The following XKR6 variants were observed in gnomAD, a reference collection of about 807,000 sequenced individuals.
The protein encoded by XKR6 is XK related 6.
A neutral mutation model predicts 56.7 loss-of-function variants in XKR6; 22 were observed. That is an observed-to-expected ratio of 0.39 (90% CI 0.28 to 0.55). The LOEUF (loss-of-function observed/expected upper bound fraction) is 0.55, where lower values mean the gene tolerates loss of function less well. XKR6 is among the 20% of genes least tolerant of loss of function. XKR6 has a pLI of 0.66. For missense variants in XKR6, 852 were observed against 889.0 expected, an observed-to-expected ratio of 0.96 and a Z score of 0.53; for synonymous variants, 524 against 387.8, an observed-to-expected ratio of 1.35 and a Z score of -4.13.
chr8:11,152,912 G>A (rs1801335330), intron 1 of XKR6, among the ~76,000 whole-genome samples: 1 of 152,142 alleles, frequency 6.6e-6, no homozygotes, highest in Admixed American at 6.6e-5. Flanking sequence ...CTGGATTACT[G>A]GGGCTTTAAA....
chr8:10,911,262 T>C (rs1294603724), intron 2 of XKR6, among the ~76,000 whole-genome samples: 1 of 147,456 alleles, frequency 6.8e-6, no homozygotes, highest in Non-Finnish European at 1.5e-5. Flanking sequence ...AGAGACAGAA[T>C]ATGTATATAT....
chr8:10,983,891 G>A (rs934588125), intron 1 of XKR6, among the ~76,000 whole-genome samples: 1 of 152,014 alleles, frequency 6.6e-6, no homozygotes, highest in East Asian at 1.9e-4. Context: ...TCCTGACCTC[G>A]TGATTCGCCT....
chr8:10,929,943 A>T (rs1285355360), intron 1 of XKR6, among the ~76,000 whole-genome samples: 1 of 152,214 alleles, frequency 6.6e-6, no homozygotes, highest in African/African-American at 2.4e-5. Flanking sequence ...CCTCCAGCAG[A>T]AGTATCTAGT....
chr8:11,170,698 G>A (rs1481591029), intron 1 of XKR6, among the ~76,000 whole-genome samples: 5 of 152,138 alleles, frequency 3.3e-5, no homozygotes, highest in Non-Finnish European at 5.9e-5. Context: ...TTTGTAGTAC[G>A]TTAATTATAT....
At chr8:11,012,494 A>G (rs1423067342) in intron 1 of XKR6, among the ~76,000 whole-genome samples, 1 of 152,130 alleles carries the variant, frequency 6.6e-6, no homozygotes, top group Admixed American at 6.5e-5. Context: ...TACGGCTGCT[A>G]TTATCATCAC....
At chr8:11,064,790 G>C (rs1342253735) in intron 1 of XKR6, among the ~76,000 whole-genome samples, 1 of 152,174 alleles carries the variant, frequency 6.6e-6, no homozygotes, top group Non-Finnish European at 1.5e-5. Flanking sequence ...GAAATGGCAA[G>C]GTCCATGAAT....
In XKR6 at chr8:10,949,372, C is replaced by T. The variant is rs542087416; in HGVS notation, c.765-24542G>A. ...CCCTTCATCTGGGGTGCAGCAGCACCGTGGATGAGGATCTGGGAGGCAGGC... is the reference window on the plus strand; with the variant it reads ...CCCTTCATCTGGGGTGCAGCAGCACTGTGGATGAGGATCTGGGAGGCAGGC... On this transcript the variant is annotated intron_variant, in intron 1 of 2. Transcript: ENST00000416569. Among the ~76,000 whole-genome samples, 6 of 152,318 alleles carry T rather than the reference C, an allele frequency of 3.9e-5. No individual in the cohort carries two copies. The South Asian group carries it at 1.2e-3, about 32-fold the overall frequency.
chr8:11,192,923 C>T (rs373353436), intron 1 of XKR6, among the ~76,000 whole-genome samples: 5 of 152,338 alleles, frequency 3.3e-5, no homozygotes, highest in South Asian at 4.1e-4. Flanking sequence ...CTCAACTTCA[C>T]TGGCAAGCTT....
At chr8:11,128,037 G>C (rs573068307) in intron 1 of XKR6, among the ~76,000 whole-genome samples, 17 of 152,248 alleles carry the variant, frequency 1.1e-4, no homozygotes, top group Non-Finnish European at 1.9e-4. Context: ...TATCAGTGGA[G>C]GGTAAAAAAT....
intron 1 of XKR6, among the ~76,000 whole-genome samples, chr8:10,949,810 A>G (rs56173641): frequency 0.071 from 10,846 of 152,170 alleles, 410 homozygotes; most frequent in Middle Eastern, 0.14. Context: ...GGGGGAGGGT[A>G]CGAGGAAGAT....
At chr8:11,179,336 G>C (rs551910604) in intron 1 of XKR6, among the ~76,000 whole-genome samples, 2 of 152,218 alleles carry the variant, frequency 1.3e-5, no homozygotes, top group Admixed American at 6.5e-5. Flanking sequence ...CTGGACTTTA[G>C]CCACCATACA....
At chr8:11,041,706 C>T (rs1799291077) in intron 1 of XKR6, among the ~76,000 whole-genome samples, 1 of 152,134 alleles carries the variant, frequency 6.6e-6, no homozygotes, top group Non-Finnish European at 1.5e-5. Context: ...AGGAGAGGGG[C>T]CCAGGGCCCT....
At chr8:11,017,497 G>T (rs149384958) in intron 1 of XKR6, among the ~76,000 whole-genome samples, 1 of 145,554 alleles carries the variant, frequency 6.9e-6, no homozygotes, top group Non-Finnish European at 1.5e-5. Flanking sequence ...AAGGTTGCCT[G>T]CAAGTAACAC....
chr8:10,924,533 A>T, intron 2 of XKR6, 101 bp downstream of exon 2: 1 of 1,413,140 alleles, frequency 7.1e-7, no homozygotes, highest in Admixed American at 2.2e-5. Context: ...AGGATGGGCA[A>T]TGCCCACAGA....
At chr8:11,165,145 G>T (rs926314924) in intron 1 of XKR6, among the ~76,000 whole-genome samples, 6 of 131,368 alleles carry the variant, frequency 4.6e-5, no homozygotes, top group African/African-American at 1.8e-4. Flanking sequence ...TGTCACCCAG[G>T]CTGGAGTGCA....
chr8:11,128,023 G>T (rs568765599), intron 1 of XKR6, among the ~76,000 whole-genome samples: 2 of 152,312 alleles, frequency 1.3e-5, no homozygotes, highest in South Asian at 4.1e-4. Context: ...ACATGCATTT[G>T]ATTTATCAGT....
At chr8:10,942,019 A>G (rs963183449) in intron 1 of XKR6, among the ~76,000 whole-genome samples, 5 of 152,198 alleles carry the variant, frequency 3.3e-5, no homozygotes, top group Admixed American at 2.6e-4. Context: ...TTTTCTCTGA[A>G]GCTGATAATG....
At chr8:10,994,464 G>C (rs148852182) in intron 1 of XKR6, among the ~76,000 whole-genome samples, 1 of 152,200 alleles carries the variant, frequency 6.6e-6, no homozygotes, top group Non-Finnish European at 1.5e-5. Context: ...CCAGCAGCAA[G>C]ATTCTTTGCC....
chr8:11,048,766 G>A (rs1049999143), intron 1 of XKR6, among the ~76,000 whole-genome samples: 1 of 152,166 alleles, frequency 6.6e-6, no homozygotes, highest in Non-Finnish European at 1.5e-5. Flanking sequence ...AGACCTCCCG[G>A]TGGCTGATGC....
Sources: allele counts gnomAD v4.1 joint callset (sites outside exome capture counted in the v4.1 genomes callset), GRCh38; gene constraint gnomAD v4.1.1; transcripts MANE v1.5; gene names NCBI Gene and HGNC (gene_info 2026-07-23, HGNC 2026-07-21).